The following TBC1D22B variants were observed in gnomAD, a reference collection of about 807,000 sequenced individuals.
The protein encoded by TBC1D22B is TBC1 domain family member 22B.
Under a neutral mutation model 69.1 loss-of-function variants are expected in TBC1D22B, and 32 were observed. The ratio of observed to expected loss-of-function variants is 0.46; its 90% CI spans 0.35 to 0.62. The LOEUF is 0.62. Ranked by LOEUF, TBC1D22B falls within the 20% of genes least tolerant of loss-of-function variation. The pLI is 0.00. For missense variants in TBC1D22B, 462 were observed against 630.9 expected, an observed-to-expected ratio of 0.73 and a Z score of 2.87; for synonymous variants, 206 against 229.8, an observed-to-expected ratio of 0.90 and a Z score of 0.94.
At chr6:37,265,607 CTT>C (rs1331620956) in intron 1 of TBC1D22B, among the ~76,000 whole-genome samples, 2 of 151,318 alleles carry the variant, frequency 1.3e-5, no homozygotes, top group East Asian at 3.9e-4. Flanking sequence ...TCCCTTTACT[CTT>C]TGATTCCTCT....
rs767805885 is a variant in TBC1D22B at position 37,316,711 on chromosome 6, C to A, written c.1174C>A (p.His392Asn). ...GATGCTTCCTGTTTCAGAGCAGGTACATAATCACTTCAGGAGGTACGAGGT... is the reference window on the plus strand; with the variant it reads ...GATGCTTCCTGTTTCAGAGCAGGTAAATAATCACTTCAGGAGGTACGAGGT... ...ELVSRIDEQVHNHFRRYEVEY... is the reference protein window; with the variant it reads ...ELVSRIDEQVNNHFRRYEVEY... Residue 392 changes from histidine to asparagine, a missense_variant, in exon 11 of 13, where the codon CAT (histidine) becomes AAT (asparagine). By Grantham distance (68) the His-to-Asn change is moderately conservative. Around this residue, in one of 2 missense-constraint regions of TBC1D22B, gnomAD observed 225 missense variants for 375.4 expected, o/e 0.60. Coordinates refer to ENST00000373491, the MANE Select transcript of TBC1D22B (RefSeq NM_017772.4). The A allele has an allele frequency of 5.6e-6, 9 of 1,614,108 alleles. No individual in the cohort carries two copies. In the South Asian group the frequency reaches 9.9e-5, roughly 18 times the overall value.
chr6:37,289,378 T>G (rs1767107106), intron 7 of TBC1D22B, among the ~76,000 whole-genome samples: 1 of 152,210 alleles, frequency 6.6e-6, no homozygotes, highest in African/African-American at 2.4e-5. Flanking sequence ...TAAGGCAGGA[T>G]TATCCCAGAC....
intron 8 of TBC1D22B, among the ~76,000 whole-genome samples, chr6:37,304,041 A>G (rs1767639840): frequency 6.6e-6 from 1 of 152,254 alleles, no homozygotes; most frequent in South Asian, 2.1e-4. Context: ...GAGAGAATGA[A>G]AATTCCATAA....
chr6:37,325,215 CTT>C (rs1010009842), intron 12 of TBC1D22B, among the ~76,000 whole-genome samples: 2 of 152,120 alleles, frequency 1.3e-5, no homozygotes, highest in Admixed American at 6.6e-5. Context: ...GCCATATTGC[CTT>C]TTCCTGTGTG....
Position 37,327,408 on chromosome 6 carries a change from G to A in TBC1D22B, c.1390-3636G>A, listed in dbSNP as rs545439930. On this transcript the variant is annotated intron_variant, in intron 12 of 12. Coordinates refer to ENST00000373491, the MANE Select transcript of TBC1D22B (RefSeq NM_017772.4). Reference sequence around the variant, plus strand: ...CAGGAGAATGGCGTGAACCCGGGAGGCGGAGCTTGCAGTGAGCCGAGATCG... The same window carrying A: ...CAGGAGAATGGCGTGAACCCGGGAGACGGAGCTTGCAGTGAGCCGAGATCG... 2.5e-3 allele frequency among the ~76,000 whole-genome samples: 239 copies of A among 96,490 alleles called. 8 individuals are homozygous for A. The highest frequency in any genetic ancestry group is 3.9e-3 in the Non-Finnish European group (200 of 51,136). 63.3% of individuals were successfully genotyped at this position (96,490 alleles called of 152,430 possible). A position where few individuals can be genotyped will look rare whatever the true frequency, so the allele number is the denominator to read the frequency against.
intron 7 of TBC1D22B, among the ~76,000 whole-genome samples, chr6:37,290,011 C>T (rs195764): frequency 0.19 from 29,507 of 152,154 alleles, 2,967 homozygotes; most frequent in Non-Finnish European, 0.21. Context: ...CGTTTCTCAG[C>T]TCTGTTTGCC....
chr6:37,259,188 G>A (rs1232414022), intron 1 of TBC1D22B, among the ~76,000 whole-genome samples: 1 of 152,030 alleles, frequency 6.6e-6, no homozygotes, highest in East Asian at 1.9e-4. Flanking sequence ...GATTCTAGTA[G>A]ACATATGGAG....
chr6:37,298,539 G>GTTTTTTTTTTTTTTTTTTT lies in TBC1D22B; in HGVS notation c.982+7188_982+7206dup, dbSNP rs34996865. 2.0e-4 allele frequency among the ~76,000 whole-genome samples: 14 copies of GTTTTTTTTTTTTTTTTTTT among 71,256 alleles called. 1 individual carries two copies. The highest frequency in any genetic ancestry group is 8.0e-4 in the African/African-American group (13 of 16,300). 46.7% of individuals were successfully genotyped at this position (71,256 alleles called of 152,430 possible). On this transcript the variant is annotated intron_variant, in intron 8 of 12. Transcript: ENST00000373491. ...TAGAAGAACATTTAAGTTGCCTACA[G>GTTTTTTTTTTTTTTTTTTT]TTTTTTTTTTTTTTTTTTTTTTTTG...
intron 2 of TBC1D22B, among the ~76,000 whole-genome samples, chr6:37,271,078 G>A (rs1251873519): frequency 6.6e-6 from 1 of 151,944 alleles, no homozygotes; most frequent in African/African-American, 2.4e-5. Context: ...TTTGGGAGGC[G>A]GAGGTGGGCG....
intron 8 of TBC1D22B, among the ~76,000 whole-genome samples, chr6:37,304,340 G>A (rs772760893): frequency 6.6e-6 from 1 of 152,138 alleles, no homozygotes; most frequent in South Asian, 2.1e-4. Flanking sequence ...CAAAAGACAT[G>A]CACAAACATA....
At chr6:37,279,736 C>A in intron 3 of TBC1D22B, 125 bp downstream of exon 3, 1 of 1,036,082 alleles carries the variant, frequency 9.7e-7, no homozygotes. Flanking sequence ...AAACTCAAGC[C>A]TGAGATGTGA....
chr6:37,327,429 G>A (rs1768450900), intron 12 of TBC1D22B, among the ~76,000 whole-genome samples: 1 of 102,980 alleles, frequency 9.7e-6, no homozygotes, highest in Non-Finnish European at 1.7e-5. Flanking sequence ...AGTGAGCCGA[G>A]ATCGTGCCAC....
intron 8 of TBC1D22B, chr6:37,295,612 G>A: frequency 5.0e-5 from 22 of 436,376 alleles, no homozygotes; most frequent in South Asian, 4.0e-4. Context: ...CACAATTGCA[G>A]TTGAGTTTAC....
At chr6:37,320,162 G>A (rs1768198432) in intron 12 of TBC1D22B, among the ~76,000 whole-genome samples, 1 of 152,168 alleles carries the variant, frequency 6.6e-6, no homozygotes, top group African/African-American at 2.4e-5. Flanking sequence ...AGATATAAAG[G>A]GAGCCAGTAA....
chr6:37,298,539 GTTTTTTTTTT>G (rs34996865), intron 8 of TBC1D22B, among the ~76,000 whole-genome samples: 1 of 71,218 alleles, frequency 1.4e-5, no homozygotes, highest in Non-Finnish European at 2.4e-5. Context: ...GTTGCCTACA[GTTTTTTTTTT>G]TTTTTTTTTT....
chr6:37,258,102 T>G, intron 1 of TBC1D22B, 129 bp downstream of exon 1: 1 of 1,059,382 alleles, frequency 9.4e-7, no homozygotes, highest in Non-Finnish European at 1.3e-6. Context: ...GACTGCCTGG[T>G]GGCGGCAGGG....
chr6:37,326,358 CAG>C, intron 12 of TBC1D22B, among the ~76,000 whole-genome samples: 1 of 121,690 alleles, frequency 8.2e-6, no homozygotes, highest in Admixed American at 1.0e-4. Flanking sequence ...AGCCTGGTGA[CAG>C]AGTGAGACTG....
intron 8 of TBC1D22B, among the ~76,000 whole-genome samples, chr6:37,311,751 A>G (rs927184336): frequency 6.6e-6 from 1 of 152,206 alleles, no homozygotes; most frequent in African/African-American, 2.4e-5. Context: ...TCTGTAGCAC[A>G]AGGGATTGCA....
At chr6:37,312,793 T>C in intron 8 of TBC1D22B, 125 bp from the exon 9 acceptor site, 1 of 711,658 alleles carries the variant, frequency 1.4e-6, no homozygotes, top group Non-Finnish European at 2.4e-6. Context: ...GGCCCTTGTT[T>C]CTTAACATCA....
Sources: gnomAD v4.1 joint callset for allele counts (sites outside exome capture counted in the v4.1 genomes callset) on GRCh38, gnomAD v4.1.1 for gene constraint, gnomAD v4.1.1 regional missense constraint, MANE v1.5 for transcripts, NCBI Gene and HGNC (gene_info 2026-07-23, HGNC 2026-07-21) for gene names.